The following AFF3 variants were observed in gnomAD, a reference collection of about 807,000 sequenced individuals.
AFF3 encodes ALF transcription elongation factor 3, also known as AF4/FMR2 family member 3.
A neutral mutation model predicts 129.7 loss-of-function variants in AFF3; 32 were observed. The ratio of observed to expected loss-of-function variants is 0.25; its 90% CI spans 0.19 to 0.33. The LOEUF (loss-of-function observed/expected upper bound fraction) is 0.33. Ranked by LOEUF, AFF3 falls within the 10% of genes least tolerant of loss-of-function variation. The pLI, the probability that AFF3 is intolerant of heterozygous loss-of-function variation, is 1.00. For missense variants in AFF3, 1,373 were observed against 1,592.0 expected, an observed-to-expected ratio of 0.86 and a Z score of 2.34; for synonymous variants, 644 against 635.4, an observed-to-expected ratio of 1.01 and a Z score of -0.20.
At chr2:99,713,542 C>A (rs1661059523) in intron 11 of AFF3, among the ~76,000 whole-genome samples, 2 of 151,904 alleles carry the variant, frequency 1.3e-5, no homozygotes, top group Non-Finnish European at 2.9e-5. Flanking sequence ...GCTAGGATTA[C>A]AGACAATTAA....
At chr2:99,651,210 G>A (rs1031874210) in intron 12 of AFF3, among the ~76,000 whole-genome samples, 9 of 150,496 alleles carry the variant, frequency 6.0e-5, no homozygotes, top group Admixed American at 2.7e-4. Context: ...TTTCTCCATC[G>A]GATTCTCCCA....
intron 10 of AFF3, among the ~76,000 whole-genome samples, chr2:99,733,156 G>A (rs899631352): frequency 6.6e-6 from 1 of 151,986 alleles, no homozygotes; most frequent in Non-Finnish European, 1.5e-5. Flanking sequence ...GAGGCAGGCG[G>A]ATCATGAGGT....
intron 2 of AFF3, among the ~76,000 whole-genome samples, chr2:100,111,293 C>A (rs1691503142): frequency 6.6e-6 from 1 of 152,238 alleles, no homozygotes; most frequent in African/African-American, 2.4e-5. Flanking sequence ...GATATCCCAG[C>A]CTATATGCCC....
intron 11 of AFF3, among the ~76,000 whole-genome samples, chr2:99,706,348 C>T (rs1414169954): frequency 2.0e-5 from 3 of 152,182 alleles, no homozygotes; most frequent in Non-Finnish European, 4.4e-5. Flanking sequence ...ATTCAGATTG[C>T]CTGACAATTA....
At chr2:99,966,689 C>CAAAAAAAAAAAAAAAAAA (rs61351679) in intron 7 of AFF3, among the ~76,000 whole-genome samples, 3 of 36,688 alleles carry the variant, frequency 8.2e-5, no homozygotes, top group Non-Finnish European at 1.1e-4. Context: ...GACTCCGTCT[C>CAAAAAAAAAAAAAAAAAA]AAAAAAAAAA....
At chr2:99,816,145 TC>T (rs1687215308) in intron 8 of AFF3, among the ~76,000 whole-genome samples, 1 of 152,094 alleles carries the variant, frequency 6.6e-6, no homozygotes, top group Non-Finnish European at 1.5e-5. Context: ...ATTGATGAAC[TC>T]ATTAAATGCA....
chr2:99,968,765 C>T (rs1183227290), intron 7 of AFF3, among the ~76,000 whole-genome samples: 2 of 152,192 alleles, frequency 1.3e-5, no homozygotes, highest in Non-Finnish European at 2.9e-5. Context: ...CATGGGCAGC[C>T]ACAACAGCTT....
At chr2:99,654,827 T>C (rs1685602616) in intron 12 of AFF3, among the ~76,000 whole-genome samples, 1 of 152,226 alleles carries the variant, frequency 6.6e-6, no homozygotes, top group African/African-American at 2.4e-5. Flanking sequence ...TCTGTCTTTA[T>C]TATAGCAAGC....
At chr2:99,624,571 C>T (rs1682363436) in intron 13 of AFF3, among the ~76,000 whole-genome samples, 1 of 152,150 alleles carries the variant, frequency 6.6e-6, no homozygotes, top group Non-Finnish European at 1.5e-5. Context: ...AAGAGCCTCG[C>T]AGTCCAATGC....
intron 4 of AFF3, among the ~76,000 whole-genome samples, chr2:100,069,334 G>T (rs1051934042): frequency 6.6e-6 from 1 of 152,102 alleles, no homozygotes; most frequent in African/African-American, 2.4e-5. Flanking sequence ...CTCCAGAGGG[G>T]GGTCCAGGAA....
At chr2:99,623,030 G>C (rs182761840) in intron 13 of AFF3, among the ~76,000 whole-genome samples, 1 of 152,282 alleles carries the variant, frequency 6.6e-6, no homozygotes, top group African/African-American at 2.4e-5. Flanking sequence ...GTCGAAGGGA[G>C]AGAGGACAGG....
chr2:99,946,858 C>G (rs1262075432), intron 7 of AFF3, among the ~76,000 whole-genome samples: 1 of 152,190 alleles, frequency 6.6e-6, no homozygotes, highest in Non-Finnish European at 1.5e-5. Flanking sequence ...AACTAACAAA[C>G]TAATTACAAA....
At chr2:99,958,095 T>C (rs1174012809) in intron 7 of AFF3, among the ~76,000 whole-genome samples, 1 of 152,008 alleles carries the variant, frequency 6.6e-6, no homozygotes, top group Admixed American at 6.6e-5. Flanking sequence ...AGGGACACGA[T>C]CCAAACAAGA....
At chr2:99,657,523 A>G (rs1685857336) in intron 12 of AFF3, among the ~76,000 whole-genome samples, 1 of 152,200 alleles carries the variant, frequency 6.6e-6, no homozygotes, top group African/African-American at 2.4e-5. Flanking sequence ...TCAACCCATA[A>G]CACTTACAAG....
intron 4 of AFF3, among the ~76,000 whole-genome samples, chr2:100,030,171 T>C (rs1285344024): frequency 6.6e-6 from 1 of 152,126 alleles, no homozygotes; most frequent in Non-Finnish European, 1.5e-5. Flanking sequence ...CCTTAAAAAT[T>C]GTTTCACAAT....
At chr2:99,599,035 C>T (rs190127997) in intron 14 of AFF3, among the ~76,000 whole-genome samples, 7 of 152,142 alleles carry the variant, frequency 4.6e-5, no homozygotes, top group Admixed American at 6.5e-5. Flanking sequence ...TGTAGGGAAG[C>T]CAGGAATCCA....
At chr2:99,650,203 T>C (rs1022534561) in intron 12 of AFF3, among the ~76,000 whole-genome samples, 3 of 152,230 alleles carry the variant, frequency 2.0e-5, no homozygotes, top group Non-Finnish European at 4.4e-5. Context: ...CAATGGTTTT[T>C]AAAATTCACA....
At chr2:100,014,852 C>G (rs1682866462) in intron 4 of AFF3, among the ~76,000 whole-genome samples, 2 of 144,516 alleles carry the variant, frequency 1.4e-5, no homozygotes, top group South Asian at 4.4e-4. Context: ...AGGGTGATCT[C>G]AGCTCACTGC....
At chr2:99,747,727 T>TA (rs1195043659) in intron 9 of AFF3, among the ~76,000 whole-genome samples, 5 of 151,984 alleles carry the variant, frequency 3.3e-5, no homozygotes, top group Admixed American at 6.6e-5. Context: ...ATAATTGGTA[T>TA]AAAAAAAATC....
Sources: gnomAD v4.1 joint callset for allele counts (sites outside exome capture counted in the v4.1 genomes callset) on GRCh38, gnomAD v4.1.1 for gene constraint, MANE v1.5 for transcripts, NCBI Gene and HGNC (gene_info 2026-07-23, HGNC 2026-07-21) for gene names.